Variants in CACNG4 observed in about 807,000 individuals in gnomAD.
The protein encoded by CACNG4 is voltage-dependent calcium channel gamma-4 subunit.
A neutral mutation model predicts 22.9 loss-of-function variants in CACNG4; 8 were observed. The observed-to-expected ratio is 0.35, with a 90% CI of 0.21 to 0.63. The LOEUF (loss-of-function observed/expected upper bound fraction) is 0.63, where lower values mean the gene tolerates loss of function less well. Ranked by LOEUF, CACNG4 falls within the 30% of genes least tolerant of loss-of-function variation. The pLI is 0.72. For synonymous variants in CACNG4, 188 were observed against 191.9 expected (o/e 0.98, Z 0.17); for missense variants, 357 against 455.4 (o/e 0.78, Z 1.97).
At chr17:66,982,202 G>A (rs1045527926) in intron 1 of CACNG4, among the ~76,000 whole-genome samples, 2 of 152,232 alleles carry the variant, frequency 1.3e-5, no homozygotes, top group African/African-American at 4.8e-5. Context: ...TGCCGCTGCT[G>A]GCTAGGGTGG....
chr17:66,998,744 C>T (rs138470038), intron 1 of CACNG4, among the ~76,000 whole-genome samples: 1,724 of 152,338 alleles, frequency 0.011, 38 homozygotes, highest in Middle Eastern at 0.014. Flanking sequence ...TGCTCAGTTT[C>T]CAAGTCTGTT....
chr17:67,016,245 G>A lies in CACNG4; in HGVS notation c.221-1944G>A, dbSNP rs902306652. Among the ~76,000 whole-genome samples the A allele has an allele frequency of 6.6e-5, 10 of 152,240 alleles. No homozygotes were observed. In the South Asian group the frequency reaches 1.9e-3, roughly 28 times the overall value. On this transcript the variant is annotated intron_variant, in intron 1 of 3. Transcript: ENST00000262138. Reference sequence around the variant, plus strand: ...CCCATTCTACAGATGAGGAGACCGAGGAGTTAATAACTACGTTGTTCATGC... The same window carrying A: ...CCCATTCTACAGATGAGGAGACCGAAGAGTTAATAACTACGTTGTTCATGC...
At chr17:67,020,849 T>G (rs1160445521) in intron 2 of CACNG4, among the ~76,000 whole-genome samples, 1 of 152,242 alleles carries the variant, frequency 6.6e-6, no homozygotes, top group Non-Finnish European at 1.5e-5. Context: ...GAGGGAGGTC[T>G]CTGGCGGCTG....
chr17:66,970,755 C>T (rs2035199184), intron 1 of CACNG4, among the ~76,000 whole-genome samples: 1 of 152,180 alleles, frequency 6.6e-6, no homozygotes. Flanking sequence ...AGGATTATGT[C>T]TTCATCATAT....
Position 67,027,804 on chromosome 17 carries a change from A to C in CACNG4, c.446-2662A>C, listed in dbSNP as rs1346175557. On this transcript the variant is annotated intron_variant, in intron 3 of 3. Coordinates refer to ENST00000262138, the MANE Select transcript of CACNG4 (RefSeq NM_014405.4). This position sits in a 1 kb window ranked among gnomAD's most constrained non-coding sequence, Gnocchi z 4.3. ...GAGGCCGAGGCAGGCGGATCACTGG[A>C]GGTCAGGAGTTCGAGACCAGCCTGG... Among the ~76,000 whole-genome samples the C allele has an allele frequency of 6.6e-6, 1 of 151,668 alleles. No individual in the cohort carries two copies. Among genetic ancestry groups the C allele is most frequent in the Admixed American group, 6.6e-5 (1 of 15,234 alleles).
intron 1 of CACNG4, among the ~76,000 whole-genome samples, chr17:67,004,498 A>C (rs985574139): frequency 1.2e-4 from 18 of 152,116 alleles, no homozygotes; most frequent in African/African-American, 4.3e-4. Flanking sequence ...CCGATACAAC[A>C]TCCTTCCTTT....
intron 1 of CACNG4, among the ~76,000 whole-genome samples, chr17:66,980,704 C>T (rs1167517454): frequency 4.0e-5 from 6 of 149,006 alleles, no homozygotes; most frequent in Admixed American, 2.7e-4. Context: ...CTCCCTGCAA[C>T]CTTCACTGGG....
intron 3 of CACNG4, among the ~76,000 whole-genome samples, chr17:67,029,719 C>T (rs555295879): frequency 3.9e-4 from 60 of 152,218 alleles, no homozygotes; most frequent in African/African-American, 1.4e-3. Flanking sequence ...TTTGTGGCGG[C>T]GAATGTTCCA....
At chr17:66,981,047 G>A (rs968376120) in intron 1 of CACNG4, among the ~76,000 whole-genome samples, 52 of 152,052 alleles carry the variant, frequency 3.4e-4, no homozygotes, top group Admixed American at 3.4e-3. Flanking sequence ...AATGTGACTC[G>A]TGCGACCCTG....
Position 67,031,683 on chromosome 17 carries a change from TG to T in CACNG4, c.*684del, listed in dbSNP as rs1398243850. 3 of 456,606 alleles carry T rather than the reference TG, an allele frequency of 6.6e-6. No homozygotes were observed. Among genetic ancestry groups the T allele is most frequent in the Admixed American group, 2.3e-5 (1 of 42,558 alleles). The allele number at this position is 456,606 out of a possible 1,614,324, so 28.3% of individuals were successfully genotyped here. A position where few individuals can be genotyped will look rare whatever the true frequency, so the allele number is the denominator to read the frequency against. On this transcript the variant is annotated 3_prime_UTR_variant, in exon 4 of 4. Coordinates refer to ENST00000262138, the MANE Select transcript of CACNG4 (RefSeq NM_014405.4). The surrounding 1 kb of genome is among the most constrained non-coding windows in gnomAD (Gnocchi z 4.0). ...CTGTGGAGGAGGCCCAGGTAAAGGC[TG>T]GGGGCTGTTGCTGGCTATCCTCTTT...
At chr17:67,020,539 G>C (rs914103607) in intron 2 of CACNG4, among the ~76,000 whole-genome samples, 2 of 152,232 alleles carry the variant, frequency 1.3e-5, no homozygotes, top group African/African-American at 4.8e-5. Context: ...CAGAAGTCAG[G>C]GCGGGGTGGG....
chr17:67,025,162 G>A (rs1303148547), intron 3 of CACNG4, among the ~76,000 whole-genome samples, 162 bp downstream of exon 3: 1 of 152,236 alleles, frequency 6.6e-6, no homozygotes, highest in Non-Finnish European at 1.5e-5. Context: ...TCAGGACTGG[G>A]GGTGGATGGA....
At chr17:67,015,212 G>A (rs148095731) in intron 1 of CACNG4, among the ~76,000 whole-genome samples, 1 of 152,328 alleles carries the variant, frequency 6.6e-6, no homozygotes, top group Non-Finnish European at 1.5e-5. Context: ...GCAAACTACC[G>A]ATACGCATGA....
At chr17:67,000,842 C>G (rs1047867322) in intron 1 of CACNG4, among the ~76,000 whole-genome samples, 3 of 152,116 alleles carry the variant, frequency 2.0e-5, no homozygotes, top group Non-Finnish European at 2.9e-5. Context: ...ACTCTTTTCC[C>G]AGAGCCTGGA....
chr17:66,975,571 T>C (rs1296728735), intron 1 of CACNG4, among the ~76,000 whole-genome samples: 1 of 152,220 alleles, frequency 6.6e-6, no homozygotes, highest in African/African-American at 2.4e-5. Context: ...TGGCACCTTA[T>C]AGATATTCAA....
intron 1 of CACNG4, among the ~76,000 whole-genome samples, chr17:67,007,179 C>T (rs369078763): frequency 6.6e-6 from 1 of 151,698 alleles, no homozygotes; most frequent in South Asian, 2.1e-4. Flanking sequence ...TATCTCAAAA[C>T]AAACAAACAA....
chr17:67,030,806 C>A lies in CACNG4; in HGVS notation c.786C>A (p.Gly262=). 6.2e-7 allele frequency: 1 copy of A among 1,614,114 alleles called. No homozygotes were observed. Among genetic ancestry groups the A allele is most frequent in the South Asian group, 1.1e-5 (1 of 91,074 alleles). ...ASPSRDVSPM[G]LKITGAIPMG... ...CCTCCAGGGACGTGTCGCCCATGGGCCTGAAGATCACAGGGGCCATCCCCA... is the reference window on the plus strand; with the variant it reads ...CCTCCAGGGACGTGTCGCCCATGGGACTGAAGATCACAGGGGCCATCCCCA... The change falls in exon 4 of 4, where the codon GGC becomes GGA. Residue 262 remains glycine (G), a synonymous_variant. Transcript: ENST00000262138. This position sits in a 1 kb window ranked among gnomAD's most constrained non-coding sequence, Gnocchi z 6.4.
Position 67,030,417 on chromosome 17 carries a change from G to C in CACNG4, c.446-49G>C. On this transcript the variant is annotated intron_variant, in intron 3 of 3. Coordinates refer to ENST00000262138, the MANE Select transcript of CACNG4 (RefSeq NM_014405.4). The surrounding 1 kb of genome is among the most constrained non-coding windows in gnomAD (Gnocchi z 6.4). Reference sequence around the variant, plus strand: ...CCGTCCCACTGTGGGTCTAACCTCTGCCTCTCTCCCTCCCTGGCCCCGCTC... The same window carrying C: ...CCGTCCCACTGTGGGTCTAACCTCTCCCTCTCTCCCTCCCTGGCCCCGCTC... The C allele has an allele frequency of 6.4e-7, 1 of 1,563,236 alleles. No individual in the cohort carries two copies. Among genetic ancestry groups the C allele is most frequent in the Non-Finnish European group, 8.8e-7 (1 of 1,141,184 alleles).
chr17:67,006,852 C>T (rs2035441000), intron 1 of CACNG4, among the ~76,000 whole-genome samples: 1 of 152,212 alleles, frequency 6.6e-6, no homozygotes, highest in African/African-American at 2.4e-5. Context: ...AGCGTGACCA[C>T]AAGGCACCTC....
Sources: gnomAD v4.1 joint callset for allele counts (sites outside exome capture counted in the v4.1 genomes callset) on GRCh38, gnomAD v4.1.1 for gene constraint, Gnocchi (gnomAD v3.1) non-coding constraint, MANE v1.5 for transcripts, NCBI Gene and HGNC (gene_info 2026-07-23, HGNC 2026-07-21) for gene names.